Variants in TMTC1 observed in about 807,000 individuals in gnomAD.
The protein encoded by TMTC1 is protein O-mannosyl-transferase TMTC1.
A neutral mutation model predicts 104.8 loss-of-function variants in TMTC1; 73 were observed. The ratio of observed to expected loss-of-function variants is 0.70; its 90% CI spans 0.58 to 0.85. The LOEUF (loss-of-function observed/expected upper bound fraction) is 0.85. Ranked by LOEUF, TMTC1 falls within the 40% of genes least tolerant of loss-of-function variation. The pLI is 0.00. For synonymous variants in TMTC1, 434 were observed against 428.7 expected, an observed-to-expected ratio of 1.01 and a Z score of -0.15; for missense variants, 1,035 against 1,096.1, an observed-to-expected ratio of 0.94 and a Z score of 0.79.
chr12:29,538,503 AT>A (rs1400239322), intron 10 of TMTC1, among the ~76,000 whole-genome samples: 1 of 150,622 alleles, frequency 6.6e-6, no homozygotes, highest in East Asian at 1.9e-4. Flanking sequence ...TTGGGATATA[AT>A]TTAGCTTAGA....
intron 5 of TMTC1, among the ~76,000 whole-genome samples, chr12:29,665,286 C>T (rs1565752050): frequency 6.6e-6 from 1 of 152,174 alleles, no homozygotes; most frequent in Non-Finnish European, 1.5e-5. Context: ...GTATTGGCAT[C>T]AAGGTTATTG....
chr12:29,705,840 T>C, intron 5 of TMTC1, among the ~76,000 whole-genome samples: 1 of 152,148 alleles, frequency 6.6e-6, no homozygotes, highest in African/African-American at 2.4e-5. Flanking sequence ...AGGTCTAGCC[T>C]GCCCTAAAGA....
At chr12:29,532,221 T>G (rs1421645397) in intron 11 of TMTC1, among the ~76,000 whole-genome samples, 3 of 152,180 alleles carry the variant, frequency 2.0e-5, no homozygotes, top group Admixed American at 2.0e-4. Context: ...ATTGAAATGT[T>G]CCACTAACAT....
chr12:29,692,037 A>T (rs1941283609), intron 5 of TMTC1, among the ~76,000 whole-genome samples: 1 of 145,498 alleles, frequency 6.9e-6, no homozygotes. Flanking sequence ...GCACATTGTG[A>T]TATAAATGAA....
intron 10 of TMTC1, among the ~76,000 whole-genome samples, chr12:29,549,524 CAT>C (rs1592215149): frequency 1.3e-5 from 2 of 152,044 alleles, no homozygotes; most frequent in East Asian, 1.9e-4. Context: ...CATTTTAATA[CAT>C]GTTAGTTATG....
chr12:29,529,712 T>C (rs896480034), intron 11 of TMTC1, among the ~76,000 whole-genome samples: 2 of 152,216 alleles, frequency 1.3e-5, no homozygotes, highest in Admixed American at 6.5e-5. Flanking sequence ...TCCACCCATA[T>C]GTCATCAGTA....
chr12:29,661,241 C>T (rs1940008844), intron 5 of TMTC1: 3 of 452,534 alleles, frequency 6.6e-6, no homozygotes, highest in Non-Finnish European at 5.8e-6. Context: ...TCCCAAATAA[C>T]CCAGTCATTT....
At chr12:29,728,656 AT>A (rs1942466159) in intron 5 of TMTC1, among the ~76,000 whole-genome samples, 1 of 152,034 alleles carries the variant, frequency 6.6e-6, no homozygotes, top group African/African-American at 2.4e-5. Flanking sequence ...ACCAGGAATT[AT>A]TTTGAAACAA....
chr12:29,620,727 T>C (rs1398207657), intron 6 of TMTC1, among the ~76,000 whole-genome samples: 2 of 152,236 alleles, frequency 1.3e-5, no homozygotes, highest in African/African-American at 4.8e-5. Flanking sequence ...CTTTGGAGCA[T>C]GGCCTATGGG....
In TMTC1 at chr12:29,611,188, T is replaced by C. The variant is rs200159980; in HGVS notation, c.1129-6889A>G. 2.2e-3 allele frequency among the ~76,000 whole-genome samples: 297 copies of C among 134,776 alleles called. 1 individual carries two copies. Among genetic ancestry groups the C allele is most frequent in the African/African-American group, 6.3e-3 (250 of 39,770 alleles). 88.4% of individuals were successfully genotyped at this position (134,776 alleles called of 152,430 possible). ...TTGGTTCTGAACTTCTTTTTTTTTT[T>C]TTTTTTGCACAGAGCCTTTTGTTTG... On this transcript the variant is annotated intron_variant, in intron 6 of 17. Transcript: ENST00000539277.
At chr12:29,714,398 A>T (rs936197559) in intron 5 of TMTC1, among the ~76,000 whole-genome samples, 3 of 152,062 alleles carry the variant, frequency 2.0e-5, no homozygotes, top group African/African-American at 2.4e-5. Context: ...TTCTTTTAAA[A>T]TTTTTTTTAC....
At chr12:29,612,937 T>C (rs1407541498) in intron 6 of TMTC1, among the ~76,000 whole-genome samples, 3 of 152,192 alleles carry the variant, frequency 2.0e-5, no homozygotes, top group Non-Finnish European at 4.4e-5. Flanking sequence ...TGAAGGAGCA[T>C]CCACATTCTA....
intron 6 of TMTC1, among the ~76,000 whole-genome samples, chr12:29,612,755 C>T (rs1165441691): frequency 1.3e-5 from 2 of 152,120 alleles, no homozygotes; most frequent in African/African-American, 2.4e-5. Context: ...AAAGAATGGA[C>T]GTATACATAT....
At chr12:29,711,083 A>C (rs1941913323) in intron 5 of TMTC1, among the ~76,000 whole-genome samples, 1 of 150,598 alleles carries the variant, frequency 6.6e-6, no homozygotes, top group African/African-American at 2.4e-5. Flanking sequence ...CCATGGTTCA[A>C]ACGATCCTCT....
At chr12:29,514,052 C>T (rs1028313204) in intron 16 of TMTC1, among the ~76,000 whole-genome samples, 7 of 152,128 alleles carry the variant, frequency 4.6e-5, no homozygotes, top group Admixed American at 3.9e-4. Flanking sequence ...CTTCCTAAGG[C>T]AGGAGGACAA....
intron 5 of TMTC1, among the ~76,000 whole-genome samples, chr12:29,694,072 C>A (rs1941342144): frequency 6.6e-6 from 1 of 152,156 alleles, no homozygotes; most frequent in African/African-American, 2.4e-5. Context: ...TTAATACTGG[C>A]ATTGTTCAGA....
chr12:29,719,904 A>C (rs548411745), intron 5 of TMTC1, among the ~76,000 whole-genome samples: 6 of 152,292 alleles, frequency 3.9e-5, no homozygotes, highest in Admixed American at 3.9e-4. Context: ...CAGAACAAGA[A>C]ATTCACCTCT....
intron 5 of TMTC1, among the ~76,000 whole-genome samples, chr12:29,723,417 G>A (rs1300314908): frequency 1.3e-5 from 2 of 152,230 alleles, no homozygotes; most frequent in African/African-American, 4.8e-5. Context: ...ATGGAAGACA[G>A]AGGAACACAA....
intron 7 of TMTC1, among the ~76,000 whole-genome samples, chr12:29,592,055 AAG>A (rs1351099948): frequency 6.6e-6 from 1 of 152,254 alleles, no homozygotes; most frequent in African/African-American, 2.4e-5. Flanking sequence ...ATATGCAACA[AAG>A]AGTATCTTTC....
Sources: gnomAD v4.1 joint callset for allele counts (sites outside exome capture counted in the v4.1 genomes callset) on GRCh38, gnomAD v4.1.1 for gene constraint, MANE v1.5 for transcripts, NCBI Gene and HGNC (gene_info 2026-07-23, HGNC 2026-07-21) for gene names.